TPRG1: variants seen among roughly 807,000 people sequenced by gnomAD.
TPRG1 encodes tumor protein p63-regulated gene 1 protein.
Under a neutral mutation model 29.3 loss-of-function variants are expected in TPRG1, and 29 were observed. That is an observed-to-expected ratio of 0.99 (90% CI 0.74 to 1.35). TPRG1 has a LOEUF of 1.35. TPRG1 is among the 40% of genes most tolerant of loss of function. The probability of loss-of-function intolerance (pLI) is 0.00; values close to 1 mark genes in which losing one functional copy is unlikely to be tolerated. For synonymous variants in TPRG1, 130 were observed against 116.8 expected, an observed-to-expected ratio of 1.11 and a Z score of -0.73; for missense variants, 327 against 335.0, an observed-to-expected ratio of 0.98 and a Z score of 0.19.
upstream of TPRG1, among the ~76,000 whole-genome samples, chr3:189,168,622 G>A (rs1020351008): frequency 1.3e-5 from 2 of 152,182 alleles, no homozygotes; most frequent in Non-Finnish European, 2.9e-5. Flanking sequence ...TAAGAGGGCG[G>A]TACTAGTGAC....
At chr3:189,224,465 C>A (rs749190517) in intron 3 of TPRG1, among the ~76,000 whole-genome samples, 2 of 151,700 alleles carry the variant, frequency 1.3e-5, no homozygotes, top group African/African-American at 4.9e-5. Flanking sequence ...GGCTGTAGAG[C>A]GAGACTCCAT....
rs148277801 is a variant in TPRG1 at position 189,270,000 on chromosome 3, T to C, written c.479+31091T>C. The stretch of plus-strand genomic sequence containing the variant: ...TAAACAGGCTCCCTGACGTTGGCTA[T>C]CTTTTCTCTTCTCTGGATCTTCTTC... On this transcript the variant is annotated intron_variant, in intron 4 of 5. Coordinates refer to ENST00000345063, the MANE Select transcript of TPRG1 (RefSeq NM_198485.4). Among the ~76,000 whole-genome samples, 758 of 151,110 alleles carry C rather than the reference T, an allele frequency of 5.0e-3. 1 individual carries two copies. Among genetic ancestry groups the C allele is most frequent in the Middle Eastern group, 0.017 (5 of 294 alleles).
upstream of TPRG1, among the ~76,000 whole-genome samples, chr3:189,099,228 G>A (rs1212346760): frequency 1.3e-5 from 2 of 152,152 alleles, no homozygotes; most frequent in East Asian, 3.9e-4. Flanking sequence ...GCCTGAGAAC[G>A]CAGGAAGTTT....
At chr3:189,144,375 A>C (rs1339167411) in intron 3 of TPRG1, among the ~76,000 whole-genome samples, 2 of 152,196 alleles carry the variant, frequency 1.3e-5, no homozygotes, top group Non-Finnish European at 2.9e-5. Context: ...ATTTAGCCAA[A>C]TACTCCTCCA....
Position 189,321,355 on chromosome 3 carries a change from T to G in TPRG1, c.*535T>G, listed in dbSNP as rs2108506764. On this transcript the variant is annotated 3_prime_UTR_variant, in exon 6 of 6. Coordinates refer to ENST00000345063, the MANE Select transcript of TPRG1 (RefSeq NM_198485.4). ...TATATATCAGTGTCCCAGTGGCCTCTTAATTGAGCATTATCAAAATCCTGT... is the reference window on the plus strand; with the variant it reads ...TATATATCAGTGTCCCAGTGGCCTCGTAATTGAGCATTATCAAAATCCTGT... 1 of 152,194 alleles carries G rather than the reference T, an allele frequency of 6.6e-6. No homozygotes were observed. The highest frequency in any genetic ancestry group is 2.4e-5 in the African/African-American group (1 of 41,556). 9.4% of individuals were successfully genotyped at this position (152,194 alleles called of 1,614,324 possible).
intron 2 of TPRG1, among the ~76,000 whole-genome samples, chr3:189,002,777 T>G (rs1055719213): frequency 1.3e-5 from 2 of 152,186 alleles, no homozygotes; most frequent in African/African-American, 4.8e-5. Context: ...CTTGTGGACA[T>G]TAGTAGGAGC....
intron 4 of TPRG1, among the ~76,000 whole-genome samples, chr3:189,308,440 T>C (rs369234357): frequency 1.3e-5 from 2 of 152,222 alleles, no homozygotes; most frequent in African/African-American, 2.4e-5. Flanking sequence ...TCGTCTTTCA[T>C]AGCACTGTGA....
At chr3:189,128,370 T>C (rs935665511) in intron 2 of TPRG1, among the ~76,000 whole-genome samples, 1 of 152,028 alleles carries the variant, frequency 6.6e-6, no homozygotes, top group African/African-American at 2.4e-5. Flanking sequence ...CAGGTCAAGG[T>C]AGGTTTATCA....
At chr3:189,214,963 A>ATATATATATATATATATTTT (rs1354068761) in intron 2 of TPRG1, among the ~76,000 whole-genome samples, 22 of 135,490 alleles carry the variant, frequency 1.6e-4, no homozygotes, top group South Asian at 7.9e-4. Flanking sequence ...GTTTAATTTA[A>ATATATATATATATATATTTT]AAATGTACAG....
intron 5 of TPRG1, among the ~76,000 whole-genome samples, chr3:189,312,119 T>C (rs375891486): frequency 0.037 from 1,552 of 42,330 alleles, 93 homozygotes; most frequent in Admixed American, 0.041. Context: ...CTTTCTTTGT[T>C]TCTTTCTTTC....
Position 189,021,815 on chromosome 3 carries a change from C to T in TPRG1, c.-659-1935C>T, listed in dbSNP as rs1248815952. Among the ~76,000 whole-genome samples, 9 of 152,246 alleles carry T rather than the reference C, an allele frequency of 5.9e-5. No homozygotes were observed. The East Asian group carries it at 1.5e-3, about 26-fold the overall frequency. ...TTGGGGAAGTTCTCCTGGATAATATCCTGCAGAGTGTTTTCCAACTTGGTT... is the reference window on the plus strand; with the variant it reads ...TTGGGGAAGTTCTCCTGGATAATATTCTGCAGAGTGTTTTCCAACTTGGTT... On this transcript the variant is annotated intron_variant, in intron 3 of 10. Coordinates refer to the TPRG1 transcript ENST00000433971.
chr3:189,093,321 G>A (rs1396020429), intron 4 of TPRG1, among the ~76,000 whole-genome samples: 2 of 152,162 alleles, frequency 1.3e-5, no homozygotes, highest in Non-Finnish European at 2.9e-5. Flanking sequence ...TCACATCTCT[G>A]CAAACAGGAA....
chr3:189,275,446 G>A (rs1715968537), intron 4 of TPRG1, among the ~76,000 whole-genome samples: 4 of 152,164 alleles, frequency 2.6e-5, no homozygotes, highest in African/African-American at 7.2e-5. Context: ...AGTTGTGACT[G>A]CATCTGGGCA....
At chr3:189,233,507 A>G (rs928101941) in intron 3 of TPRG1, among the ~76,000 whole-genome samples, 4 of 152,026 alleles carry the variant, frequency 2.6e-5, no homozygotes, top group Non-Finnish European at 5.9e-5. Flanking sequence ...TCTGGGGGAG[A>G]ACCTAGGCTC....
chr3:189,316,673 G>A (rs904207835), intron 5 of TPRG1, among the ~76,000 whole-genome samples: 2 of 152,264 alleles, frequency 1.3e-5, no homozygotes, highest in Middle Eastern at 3.4e-3. Context: ...TCCCCACCAC[G>A]CACACTGCTG....
intron 4 of TPRG1, among the ~76,000 whole-genome samples, chr3:189,042,557 A>G (rs1052189380): frequency 1.3e-5 from 2 of 152,100 alleles, no homozygotes; most frequent in African/African-American, 4.8e-5. Flanking sequence ...TCAGATGAAC[A>G]AATAGAGTCC....
intron 1 of TPRG1, among the ~76,000 whole-genome samples, chr3:189,101,071 A>G (rs1201868624): frequency 6.6e-6 from 1 of 152,190 alleles, no homozygotes; most frequent in African/African-American, 2.4e-5. Context: ...CCCTTGGGTC[A>G]TTACAGCTCC....
chr3:189,081,628 A>T (rs189605587), intron 4 of TPRG1, among the ~76,000 whole-genome samples: 1 of 152,196 alleles, frequency 6.6e-6, no homozygotes, highest in South Asian at 2.1e-4. Context: ...TTCACTTTGG[A>T]TCATTAAGTA....
At chr3:189,007,841 G>A (rs1231498953) in intron 3 of TPRG1, among the ~76,000 whole-genome samples, 1 of 136,624 alleles carries the variant, frequency 7.3e-6, no homozygotes, top group South Asian at 2.4e-4. Flanking sequence ...GGTGGGAATT[G>A]AACAATGAGA....
Sources: gnomAD v4.1 joint callset for allele counts (sites outside exome capture counted in the v4.1 genomes callset) on GRCh38, gnomAD v4.1.1 for gene constraint, MANE v1.5 for transcripts, NCBI Gene and HGNC (gene_info 2026-07-23, HGNC 2026-07-21) for gene names.